The following ABTB2 variants were observed in gnomAD, a reference collection of about 807,000 sequenced individuals.
The protein encoded by ABTB2 is ankyrin repeat and BTB domain containing 2, also known as ankyrin repeat and BTB/POZ domain-containing protein 2.
Under a neutral mutation model 104.1 loss-of-function variants are expected in ABTB2, and 56 were observed. The ratio of observed to expected loss-of-function variants is 0.54; its 90% CI spans 0.43 to 0.67. The LOEUF is 0.67. Among genes scored for constraint, ABTB2 ranks in the 30% least tolerant of loss-of-function variants. The probability of loss-of-function intolerance (pLI) is 0.00; values close to 1 mark genes in which losing one functional copy is unlikely to be tolerated. For missense variants in ABTB2, 1,279 were observed against 1,407.7 expected (o/e 0.91, Z 1.46); for synonymous variants, 606 against 608.2 (o/e 1.00, Z 0.05).
intron 1 of ABTB2, chr11:34,335,366 A>C: frequency 1.1e-6 from 1 of 881,072 alleles, no homozygotes; most frequent in Non-Finnish European, 1.9e-6. Context: ...CACAAAGAGT[A>C]CAGCAAATTT....
At chr11:34,245,380 C>G (rs1853972797) in intron 1 of ABTB2, among the ~76,000 whole-genome samples, 2 of 152,190 alleles carry the variant, frequency 1.3e-5, no homozygotes, top group African/African-American at 4.8e-5. Context: ...TCACCCCCTA[C>G]AGCAAACCAC....
At chr11:34,344,553 G>C (rs1855305966) in intron 1 of ABTB2, among the ~76,000 whole-genome samples, 1 of 152,206 alleles carries the variant, frequency 6.6e-6, no homozygotes, top group South Asian at 2.1e-4. Context: ...AGTGCATGCA[G>C]TGGTGTGATA....
intron 3 of ABTB2, among the ~76,000 whole-genome samples, chr11:34,186,288 C>T (rs1026080281): frequency 9.2e-5 from 14 of 152,214 alleles, no homozygotes; most frequent in East Asian, 3.9e-4. Flanking sequence ...TCACAGACAG[C>T]TGTCAGGGCG....
At chr11:34,164,200 G>C (rs1443232317) in intron 9 of ABTB2, among the ~76,000 whole-genome samples, 1 of 152,136 alleles carries the variant, frequency 6.6e-6, no homozygotes, top group African/African-American at 2.4e-5. Flanking sequence ...ACTTCAGCCT[G>C]CTGCTGTCCC....
intron 4 of ABTB2, among the ~76,000 whole-genome samples, chr11:34,172,223 C>T (rs2955935): frequency 0.53 from 80,557 of 150,720 alleles, 22,342 homozygotes; most frequent in African/African-American, 0.61. Flanking sequence ...AAATACAAAA[C>T]TACCCAGACG....
chr11:34,238,029 A>C (rs193066774), intron 1 of ABTB2, among the ~76,000 whole-genome samples: 22 of 152,276 alleles, frequency 1.4e-4, no homozygotes, highest in Non-Finnish European at 2.2e-4. Context: ...TATCTCATGT[A>C]CCTCATAAAT....
chr11:34,315,789 C>A lies in ABTB2; in HGVS notation c.883+40912G>T, dbSNP rs2755143. Among the ~76,000 whole-genome samples the A allele has an allele frequency of 7.0e-3, 1,066 of 152,188 alleles. 21 individuals are homozygous for A. Among genetic ancestry groups the A allele is most frequent in the African/African-American group, 0.025 (1,032 of 41,472 alleles). On this transcript the variant is annotated intron_variant, in intron 1 of 16. Coordinates refer to ENST00000435224, the MANE Select transcript of ABTB2 (RefSeq NM_145804.3). ...TCAGAAATGACACGAGCAGCCACCC[C>A]CCAGGTTTCCAGCTGCCTTTCATGG...
At chr11:34,193,565 C>T (rs1590212651) in intron 3 of ABTB2, among the ~76,000 whole-genome samples, 1 of 152,242 alleles carries the variant, frequency 6.6e-6, no homozygotes, top group African/African-American at 2.4e-5. Context: ...AGCCAGGTAC[C>T]CCGCGGCCTC....
At chr11:34,324,099 C>A (rs746778473) in intron 1 of ABTB2, among the ~76,000 whole-genome samples, 3 of 151,742 alleles carry the variant, frequency 2.0e-5, no homozygotes, top group Non-Finnish European at 4.4e-5. Context: ...TTAGTAGAGA[C>A]GGGGTTTCAC....
intron 1 of ABTB2, among the ~76,000 whole-genome samples, chr11:34,272,717 A>AC (rs1565156061): frequency 2.7e-5 from 4 of 149,234 alleles, no homozygotes; most frequent in African/African-American, 1.0e-4. Flanking sequence ...AAAAAAAAAA[A>AC]AAAAAAAAAA....
At chr11:34,247,567 C>A (rs555180451) in intron 1 of ABTB2, among the ~76,000 whole-genome samples, 1 of 152,318 alleles carries the variant, frequency 6.6e-6, no homozygotes, top group South Asian at 2.1e-4. Context: ...GTATTAAGTG[C>A]ATTTTGATTT....
intron 1 of ABTB2, among the ~76,000 whole-genome samples, chr11:34,239,584 G>A (rs1853888326): frequency 1.3e-5 from 2 of 152,070 alleles, no homozygotes; most frequent in African/African-American, 4.8e-5. Flanking sequence ...TCCCATCTCA[G>A]CCTCCCAAAG....
At chr11:34,319,295 C>A (rs116674609) in intron 1 of ABTB2, among the ~76,000 whole-genome samples, 4,867 of 152,318 alleles carry the variant, frequency 0.032, 261 homozygotes, top group African/African-American at 0.11. Flanking sequence ...GAGACCTCCC[C>A]CTTTGTGATA....
At chr11:34,259,376 C>A (rs1468610660) in intron 1 of ABTB2, among the ~76,000 whole-genome samples, 2 of 152,172 alleles carry the variant, frequency 1.3e-5, no homozygotes, top group Non-Finnish European at 2.9e-5. Flanking sequence ...AGGAAATGTA[C>A]CCAGCAACCC....
chr11:34,246,058 C>T (rs959114052), intron 1 of ABTB2, among the ~76,000 whole-genome samples: 4 of 152,222 alleles, frequency 2.6e-5, no homozygotes, highest in East Asian at 3.9e-4. Context: ...GGCACAAGCC[C>T]CTATAAGGAT....
intron 12 of ABTB2, 106 bp downstream of exon 12, chr11:34,160,142 G>A: frequency 1.6e-6 from 2 of 1,281,112 alleles, no homozygotes; most frequent in Non-Finnish European, 2.2e-6. Flanking sequence ...TGAGGCTGGG[G>A]CCTTGGCGCT....
intron 1 of ABTB2, among the ~76,000 whole-genome samples, chr11:34,331,305 G>A (rs11032618): frequency 0.088 from 13,355 of 152,134 alleles, 789 homozygotes; most frequent in East Asian, 0.34. Context: ...TGCTTAACGC[G>A]GAAAAAATTA....
rs1310514302 is a variant in ABTB2, at chr11:34,252,630, C to T, written c.884-47940G>A. On this transcript the variant is annotated intron_variant, in intron 1 of 16. Transcript: ENST00000435224. The surrounding 1 kb of genome is among the most constrained non-coding windows in gnomAD (Gnocchi z 5.5). ...GCCAGGAGGGGGATTGGGAGACAGCCTCCTGGTCCTGGTCCAGCACCTTCC... is the reference window on the plus strand; with the variant it reads ...GCCAGGAGGGGGATTGGGAGACAGCTTCCTGGTCCTGGTCCAGCACCTTCC... 6.6e-6 allele frequency among the ~76,000 whole-genome samples: 1 copy of T among 152,178 alleles called. No homozygotes were observed. The highest frequency in any genetic ancestry group is 1.5e-5 in the Non-Finnish European group (1 of 68,018).
At position 34,160,028 on chromosome 11, in the gene ABTB2, A is replaced by G. The variant is rs752819028; in HGVS notation, c.2504-20T>C. The G allele has an allele frequency of 1.1e-5, 18 of 1,593,014 alleles. No homozygotes were observed. The highest frequency in any genetic ancestry group is 1.5e-5 in the Non-Finnish European group (18 of 1,162,150). On this transcript the variant is annotated intron_variant, in intron 12 of 16. Transcript: ENST00000435224. ...GTGGATCTGTGAAAAGCGGGGAGAC[A>G]GAGGGATATGGCTGAGGAGTCCCCT...
Sources: allele counts gnomAD v4.1 joint callset (sites outside exome capture counted in the v4.1 genomes callset), GRCh38; gene constraint gnomAD v4.1.1; non-coding constraint Gnocchi (gnomAD v3.1); transcripts MANE v1.5; gene names NCBI Gene and HGNC (gene_info 2026-07-23, HGNC 2026-07-21).